PKN2: variants seen among roughly 807,000 people sequenced by gnomAD.
PKN2 encodes the protein serine/threonine-protein kinase N2.
PKN2 carries 38 observed loss-of-function variants against 119.1 expected under a neutral mutation model. The ratio of observed to expected loss-of-function variants is 0.32; its 90% CI spans 0.25 to 0.42. The LOEUF is 0.42. Ranked by LOEUF, PKN2 falls within the 10% of genes least tolerant of loss-of-function variation. The pLI is 1.00. For missense variants in PKN2, 850 were observed against 1,165.1 expected (o/e 0.73, Z 3.94); for synonymous variants, 390 against 384.9 (o/e 1.01, Z -0.15).
chr1:88,717,687 A>G (rs1419995403), intron 1 of PKN2, among the ~76,000 whole-genome samples: 5 of 151,900 alleles, frequency 3.3e-5, no homozygotes, highest in Non-Finnish European at 5.9e-5. Flanking sequence ...CTAGTCAGCC[A>G]TTCTTCTAAT....
intron 3 of PKN2, among the ~76,000 whole-genome samples, chr1:88,767,733 A>G (rs1312402620): frequency 6.6e-6 from 1 of 152,232 alleles, no homozygotes; most frequent in Non-Finnish European, 1.5e-5. Context: ...AATACAAAAG[A>G]AATAAAAGAA....
chr1:88,785,230 G>A (rs1004029880), intron 7 of PKN2, among the ~76,000 whole-genome samples: 4 of 152,138 alleles, frequency 2.6e-5, no homozygotes, highest in Non-Finnish European at 4.4e-5. Context: ...CTGGGTTTAA[G>A]TGATCCTCCT....
rs10573546 is a variant in PKN2 at position 88,789,662 on chromosome 1, C to CATAATAATAATAATA, written c.1281+3466_1281+3480dup. ...TGGGCGACAGAGCAAGACTCTATCT[C>CATAATAATAATAATA]ATAATAATAATAATAATAATAATAA... On this transcript the variant is annotated intron_variant, in intron 8 of 21. Transcript: ENST00000370521. 5.2e-3 allele frequency among the ~76,000 whole-genome samples: 756 copies of CATAATAATAATAATA among 146,472 alleles called. 3 individuals carry two copies. Among genetic ancestry groups the CATAATAATAATAATA allele is most frequent in the African/African-American group, 0.017 (666 of 39,496 alleles).
Position 88,805,871 on chromosome 1 carries a change from G to T in PKN2, c.1677-20G>T, listed in dbSNP as rs747757201. The T allele has an allele frequency of 1.1e-5, 17 of 1,612,662 alleles. No homozygotes were observed. Among genetic ancestry groups the T allele is most frequent in the Middle Eastern group, 1.6e-4 (1 of 6,078 alleles). On this transcript the variant is annotated intron_variant, in intron 11 of 21. Coordinates refer to ENST00000370521, the MANE Select transcript of PKN2 (RefSeq NM_006256.4). ...AGACTTTCTATTACTGTTTTGGTGA[G>T]TTACTTTATCTTCTATAAGTGATTC...
chr1:88,768,070 A>G (rs1669739770), intron 3 of PKN2, among the ~76,000 whole-genome samples: 1 of 152,208 alleles, frequency 6.6e-6, no homozygotes, highest in Non-Finnish European at 1.5e-5. Context: ...TTTCTTATGA[A>G]TAAGTGCTTT....
chr1:88,777,493 C>T (rs1412525815), intron 6 of PKN2, among the ~76,000 whole-genome samples: 1 of 152,184 alleles, frequency 6.6e-6, no homozygotes, highest in African/African-American at 2.4e-5. Flanking sequence ...AGTATACTTA[C>T]TCACAAATCA....
intron 6 of PKN2, among the ~76,000 whole-genome samples, chr1:88,776,749 A>G (rs984867341): frequency 6.6e-6 from 1 of 152,094 alleles, no homozygotes; most frequent in African/African-American, 2.4e-5. Flanking sequence ...TAAGAAAAAA[A>G]AAAAAAGTCC....
chr1:88,718,061 G>A (rs1433627293), intron 1 of PKN2, among the ~76,000 whole-genome samples: 2 of 152,238 alleles, frequency 1.3e-5, no homozygotes, highest in African/African-American at 4.8e-5. Context: ...AGCCTCAGCT[G>A]CAGGTCTGTT....
At chr1:88,706,654 T>C (rs370731567) in intron 1 of PKN2, among the ~76,000 whole-genome samples, 23 of 152,216 alleles carry the variant, frequency 1.5e-4, no homozygotes, top group African/African-American at 5.3e-4. Context: ...TTTGCTGCTT[T>C]TCCTGCTTAA....
At chr1:88,706,730 T>A (rs1667018451) in intron 1 of PKN2, among the ~76,000 whole-genome samples, 1 of 152,156 alleles carries the variant, frequency 6.6e-6, no homozygotes, top group African/African-American at 2.4e-5. Context: ...GAGACAATAA[T>A]GGTTTTCCTT....
intron 1 of PKN2, among the ~76,000 whole-genome samples, chr1:88,709,906 G>C (rs1667157398): frequency 6.6e-6 from 1 of 152,194 alleles, no homozygotes; most frequent in African/African-American, 2.4e-5. Flanking sequence ...TGGGTATGTG[G>C]TGTTTGGCAT....
intron 1 of PKN2, among the ~76,000 whole-genome samples, chr1:88,733,636 T>G (rs2100730849): frequency 1.3e-5 from 2 of 152,344 alleles, no homozygotes; most frequent in South Asian, 4.1e-4. Flanking sequence ...ACTGGCATCC[T>G]TGCTCTGTTG....
intron 6 of PKN2, among the ~76,000 whole-genome samples, chr1:88,778,243 A>C (rs1400900119): frequency 6.6e-6 from 1 of 152,220 alleles, no homozygotes; most frequent in Non-Finnish European, 1.5e-5. Flanking sequence ...AATCTTGGCA[A>C]AATAAACTTC....
chr1:88,741,258 A>ATTG lies in PKN2; in HGVS notation c.324_326dup (p.Val109dup). 3 of 1,592,082 alleles carry ATTG rather than the reference A, an allele frequency of 1.9e-6. No homozygotes were observed. The highest frequency in any genetic ancestry group is 2.6e-6 in the Non-Finnish European group (3 of 1,172,866). ...CAAGCTGCAGGAATTAAATGCACAT[A>ATTG]TTGTTGTATCAGATCCAGAAGATAT... is the stretch of plus-strand genomic sequence containing the variant. On this transcript the variant is annotated inframe_insertion, in exon 2 of 22. Coordinates refer to ENST00000370521, the MANE Select transcript of PKN2 (RefSeq NM_006256.4).
chr1:88,828,451 TA>T, intron 18 of PKN2, 29 bp from the exon 19 acceptor site: 1 of 1,549,080 alleles, frequency 6.5e-7, no homozygotes, highest in South Asian at 1.2e-5. Flanking sequence ...TTTTCTTTGC[TA>T]ACAAATGTTT....
chr1:88,767,741 G>T (rs1264501413), intron 3 of PKN2, among the ~76,000 whole-genome samples: 2 of 152,080 alleles, frequency 1.3e-5, no homozygotes, highest in African/African-American at 2.4e-5. Context: ...AGAAATAAAA[G>T]AAAAATTTAT....
At chr1:88,795,220 G>GTCT (rs1671012178) in intron 8 of PKN2, among the ~76,000 whole-genome samples, 1 of 152,236 alleles carries the variant, frequency 6.6e-6, no homozygotes, top group Admixed American at 6.5e-5. Flanking sequence ...AGAGAACGAA[G>GTCT]TCTCTCTCTT....
intron 5 of PKN2, 41 bp downstream of exon 5, chr1:88,771,607 A>G (rs374279461): frequency 3.8e-6 from 6 of 1,571,108 alleles, no homozygotes; most frequent in Non-Finnish European, 5.2e-6. Flanking sequence ...TAATAAATAC[A>G]TTATTCAAAG....
chr1:88,709,727 A>T (rs572829041), intron 1 of PKN2, among the ~76,000 whole-genome samples: 1 of 152,214 alleles, frequency 6.6e-6, no homozygotes, highest in East Asian at 1.9e-4. Context: ...CATACATGTT[A>T]TTATTTATTC....
Sources: allele counts gnomAD v4.1 joint callset (sites outside exome capture counted in the v4.1 genomes callset), GRCh38; gene constraint gnomAD v4.1.1; transcripts MANE v1.5; gene names NCBI Gene and HGNC (gene_info 2026-07-23, HGNC 2026-07-21).